ARID5B: variants seen among roughly 807,000 people sequenced by gnomAD.
ARID5B encodes the protein AT-rich interaction domain 5B.
A neutral mutation model predicts 97.2 loss-of-function variants in ARID5B; 13 were observed. The observed-to-expected ratio is 0.13, with a 90% CI of 0.09 to 0.21. ARID5B has a LOEUF of 0.21. Ranked by LOEUF, ARID5B falls within the 10% of genes least tolerant of loss-of-function variation. The pLI, the probability that ARID5B is intolerant of heterozygous loss-of-function variation, is 1.00. For missense variants in ARID5B, 1,210 were observed against 1,465.3 expected (o/e 0.83, Z 2.84); for synonymous variants, 556 against 570.3 (o/e 0.97, Z 0.36).
In ARID5B at chr10:62,096,084, T is replaced by C. The variant is rs1003548344; in HGVS notation, c.*3054T>C. 1 of 233,434 alleles carries C rather than the reference T, an allele frequency of 4.3e-6. No individual in the cohort carries two copies. Among genetic ancestry groups the C allele is most frequent in the African/African-American group, 2.2e-5 (1 of 45,370 alleles). The allele number at this position is 233,434 out of a possible 1,614,324, so 14.5% of individuals were successfully genotyped here. ...CGAGTTTCGGAATTAAGTATTCTTC[T>C]AGTAAGTGATTCAAACTTGTAATAT... is the stretch of plus-strand genomic sequence containing the variant. On this transcript the variant is annotated 3_prime_UTR_variant, in exon 10 of 10. Transcript: ENST00000279873.
At position 61,902,699 on chromosome 10, in the gene ARID5B, GTGTA is replaced by G. The variant is rs796457099; in HGVS notation, c.276+290_276+293del. ...TGTGTGTGTGTGTGTGTGTGTGTGT[GTGTA>G]TGTGTGTGTGTGTGTTCATTTGCTC... On this transcript the variant is annotated intron_variant, in intron 2 of 9. Coordinates refer to ENST00000279873, the MANE Select transcript of ARID5B (RefSeq NM_032199.3). Among the ~76,000 whole-genome samples, 149 of 148,714 alleles carry G rather than the reference GTGTA, an allele frequency of 1.0e-3. 6 individuals are homozygous for G. In the South Asian group the frequency reaches 0.025, roughly 25 times the overall value.
rs562077511 is a variant in ARID5B, at chr10:61,920,675, C to A, written c.276+18262C>A. On this transcript the variant is annotated intron_variant, in intron 2 of 9. Coordinates refer to ENST00000279873, the MANE Select transcript of ARID5B (RefSeq NM_032199.3). ...GGAATTCTCATATGGTAGTTAAGGG[C>A]ATAACATAATATTGCTCTTGAAAAA... 2.0e-5 allele frequency among the ~76,000 whole-genome samples: 3 copies of A among 152,142 alleles called. No homozygotes were observed. The South Asian group carries it at 6.2e-4, about 32-fold the overall frequency.
At chr10:62,017,965 G>A (rs1455659738) in intron 4 of ARID5B, among the ~76,000 whole-genome samples, 2 of 152,208 alleles carry the variant, frequency 1.3e-5, no homozygotes, top group Non-Finnish European at 2.9e-5. Context: ...ATAAATGCCA[G>A]AGAAAGCCAT....
intron 3 of ARID5B, among the ~76,000 whole-genome samples, chr10:61,973,791 T>C (rs1460623636): frequency 1.3e-5 from 2 of 152,258 alleles, no homozygotes; most frequent in Non-Finnish European, 2.9e-5. Context: ...TTTATTTCTT[T>C]TCTTTTCCAC....
At position 62,084,603 on chromosome 10, in the gene ARID5B, T is replaced by A. The variant is rs1182885481; in HGVS notation, c.1200-1099T>A. 2.0e-5 allele frequency among the ~76,000 whole-genome samples: 3 copies of A among 152,246 alleles called. No individual in the cohort carries two copies. The East Asian group carries it at 5.8e-4, about 29-fold the overall frequency. Reference sequence around the variant, plus strand: ...CTTATATTAATCCCACAGTGAGTCATTAATCATACCAAATGCATTATAAAA... The same window carrying A: ...CTTATATTAATCCCACAGTGAGTCAATAATCATACCAAATGCATTATAAAA... On this transcript the variant is annotated intron_variant, in intron 8 of 9. Transcript: ENST00000279873.
chr10:62,036,834 G>T (rs1034152335), intron 4 of ARID5B, among the ~76,000 whole-genome samples: 3 of 152,166 alleles, frequency 2.0e-5, no homozygotes, highest in African/African-American at 7.2e-5. Context: ...CGAGTGGCAG[G>T]CTCTCTGGTC....
At chr10:61,970,342 C>T (rs942885506) in intron 3 of ARID5B, among the ~76,000 whole-genome samples, 3 of 152,186 alleles carry the variant, frequency 2.0e-5, no homozygotes, top group African/African-American at 7.2e-5. Flanking sequence ...ATAGCCAGGG[C>T]ACTGGAGGAA....
In ARID5B at chr10:61,902,174, T is replaced by C. The variant is rs1313253636; in HGVS notation, c.37T>C (p.Cys13Arg). Residue 13 changes from cysteine to arginine, a missense_variant, in exon 2 of 10, where the codon TGT becomes CGT. Coordinates refer to ENST00000279873, the MANE Select transcript of ARID5B (RefSeq NM_032199.3). Reference protein sequence around the residue: ...PNSLQWVGSPCGLHGPYIFYK... With the variant: ...PNSLQWVGSPRGLHGPYIFYK... ...CCCCCTGCAGTGGGTCGGCTCACCG[T>C]GTGGCTTGCACGGACCTTACATTTT... 6.2e-6 allele frequency: 10 copies of C among 1,612,710 alleles called. No individual in the cohort carries two copies. The highest frequency in any genetic ancestry group is 8.5e-6 in the Non-Finnish European group (10 of 1,179,946).
At chr10:62,055,474 G>T (rs114902579) in intron 5 of ARID5B, among the ~76,000 whole-genome samples, 1 of 152,228 alleles carries the variant, frequency 6.6e-6, no homozygotes, top group Admixed American at 6.5e-5. Flanking sequence ...GGGGTGGGAG[G>T]CAATACAAAT....
Position 61,902,172 on chromosome 10 carries a change from C to G in ARID5B, c.35C>G (p.Pro12Arg). 1 of 1,612,716 alleles carries G rather than the reference C, an allele frequency of 6.2e-7. No homozygotes were observed. The highest frequency in any genetic ancestry group is 8.5e-7 in the Non-Finnish European group (1 of 1,179,924). ...EPNSLQWVGS[P>R]CGLHGPYIFY... is the part of the protein sequence containing the mutation. Reference sequence around the variant, plus strand: ...CCCCCCCTGCAGTGGGTCGGCTCACCGTGTGGCTTGCACGGACCTTACATT... The same window carrying G: ...CCCCCCCTGCAGTGGGTCGGCTCACGGTGTGGCTTGCACGGACCTTACATT... Residue 12 changes from proline (P) to arginine (R), a missense_variant, in exon 2 of 10, where the codon CCG becomes CGG. By Grantham distance (103) the Pro-to-Arg change is moderately radical (BLOSUM62 -2). Around this residue, in one of 8 missense-constraint regions of ARID5B, gnomAD observed 80 missense variants for 133.2 expected, o/e 0.60. Transcript: ENST00000279873.
chr10:61,903,672 C>T (rs970637754), intron 2 of ARID5B, among the ~76,000 whole-genome samples: 2 of 152,186 alleles, frequency 1.3e-5, no homozygotes, highest in Non-Finnish European at 1.5e-5. Flanking sequence ...TGAATGGTTT[C>T]CCGTTTAACT....
chr10:62,050,141 T>A (rs897565377), intron 4 of ARID5B, among the ~76,000 whole-genome samples: 4 of 152,218 alleles, frequency 2.6e-5, no homozygotes, highest in Non-Finnish European at 5.9e-5. Context: ...TTGTATCTTG[T>A]CTTTTCAAAA....
At chr10:61,902,612 G>GATCC (rs768810391) in intron 2 of ARID5B, among the ~76,000 whole-genome samples, 199 bp downstream of exon 2, 1 of 151,948 alleles carries the variant, frequency 6.6e-6, no homozygotes, top group Non-Finnish European at 1.5e-5. Context: ...TTACAAAGAG[G>GATCC]ATCCAACTGC....
At chr10:62,067,358 T>C (rs576451786) in intron 7 of ARID5B, among the ~76,000 whole-genome samples, 65 of 152,330 alleles carry the variant, frequency 4.3e-4, no homozygotes, top group Non-Finnish European at 8.7e-4. Context: ...GCTGGGGTTA[T>C]AGGCGTGAGC....
chr10:62,044,179 T>A (rs1194298967), intron 4 of ARID5B, among the ~76,000 whole-genome samples: 5 of 152,070 alleles, frequency 3.3e-5, no homozygotes, highest in Non-Finnish European at 7.4e-5. Context: ...GGGGTATGAC[T>A]TGGGCAAAAG....
rs993628007 is a variant in ARID5B at position 62,000,022 on chromosome 10, T to G, written c.503-69T>G. 2.7e-6 allele frequency: 4 copies of G among 1,454,940 alleles called. No homozygotes were observed. The highest frequency in any genetic ancestry group is 3.8e-6 in the Non-Finnish European group (4 of 1,040,972). 90.1% of individuals were successfully genotyped at this position (1,454,940 alleles called of 1,614,324 possible). On this transcript the variant is annotated intron_variant, in intron 3 of 9. Transcript: ENST00000279873. This position sits in a 1 kb window ranked among gnomAD's most constrained non-coding sequence, Gnocchi z 4.4. ...CCAAACCAGAAGTGATTATTGAAATTATACCATGGCCATGAAAGTTCTTTG... is the reference window on the plus strand; with the variant it reads ...CCAAACCAGAAGTGATTATTGAAATGATACCATGGCCATGAAAGTTCTTTG...
intron 4 of ARID5B, among the ~76,000 whole-genome samples, chr10:62,034,587 T>C (rs1165557200): frequency 6.6e-6 from 1 of 152,268 alleles, no homozygotes; most frequent in East Asian, 1.9e-4. Context: ...CGCTTTATTC[T>C]GTGTAAAGTG....
chr10:62,049,032 C>T (rs1839749333), intron 4 of ARID5B, among the ~76,000 whole-genome samples: 1 of 152,246 alleles, frequency 6.6e-6, no homozygotes, highest in African/African-American at 2.4e-5. Context: ...TGTGGAAACA[C>T]TTCTGTGCTA....
At position 62,065,845 on chromosome 10, in the gene ARID5B, CAAAAAAAAAAA is replaced by C. The variant is rs60296263; in HGVS notation, c.1102-3845_1102-3835del. 2.5e-3 allele frequency among the ~76,000 whole-genome samples: 220 copies of C among 88,682 alleles called. 2 individuals carry two copies. The highest frequency in any genetic ancestry group is 7.0e-3 in the African/African-American group (160 of 22,976). The allele number at this position is 88,682 out of a possible 152,430, so 58.2% of individuals were successfully genotyped here. A position where few individuals can be genotyped will look rare whatever the true frequency, so the allele number is the denominator to read the frequency against. Reference sequence around the variant, plus strand: ...TGGGCGACAGAGTGAGACTCTGTCTCAAAAAAAAAAAAAAAAAAAAGGAAACAAAGAGCCAG... The same window carrying C: ...TGGGCGACAGAGTGAGACTCTGTCTCAAAAAAAAAGGAAACAAAGAGCCAG... On this transcript the variant is annotated intron_variant, in intron 7 of 9. Transcript: ENST00000279873.
Sources: allele counts gnomAD v4.1 joint callset (sites outside exome capture counted in the v4.1 genomes callset), GRCh38; gene constraint gnomAD v4.1.1; regional missense constraint gnomAD v4.1.1; non-coding constraint Gnocchi (gnomAD v3.1); transcripts MANE v1.5; gene names NCBI Gene and HGNC (gene_info 2026-07-23, HGNC 2026-07-21).